SPMIP7: variants seen among roughly 807,000 people sequenced by gnomAD.
The protein encoded by SPMIP7 is sperm microtubule inner protein 7.
At chr7:50,132,345 C>T in the SPMIP7 span, among the ~76,000 whole-genome samples, 2 of 152,002 alleles carry the variant, frequency 1.3e-5, no homozygotes, top group Non-Finnish European at 2.9e-5. Flanking sequence ...GGTTTATTTC[C>T]CATTGTATTC....
the SPMIP7 span, among the ~76,000 whole-genome samples, chr7:50,123,391 G>A: frequency 7.6e-6 from 1 of 132,076 alleles, no homozygotes; most frequent in Middle Eastern, 3.8e-3. Context: ...CACAGGAAGG[G>A]GTACATCACA....
the SPMIP7 span, among the ~76,000 whole-genome samples, chr7:50,130,771 A>T: frequency 4.6e-5 from 7 of 152,108 alleles, no homozygotes; most frequent in African/African-American, 1.7e-4. Context: ...TTGAGAGAGC[A>T]GCCATGCAGA....
chr7:50,106,815 G>A, the SPMIP7 span, among the ~76,000 whole-genome samples: 1 of 152,158 alleles, frequency 6.6e-6, no homozygotes, highest in African/African-American at 2.4e-5. Flanking sequence ...TAGAAGACTG[G>A]GGAAGGGGCC....
At chr7:50,131,240 C>T in the SPMIP7 span, among the ~76,000 whole-genome samples, 10 of 152,090 alleles carry the variant, frequency 6.6e-5, no homozygotes, top group African/African-American at 2.4e-4. Context: ...AGAGCCAACA[C>T]AATTTTCTGA....
the SPMIP7 span, chr7:50,134,338 TAAC>T: frequency 3.6e-6 from 4 of 1,101,028 alleles, no homozygotes; most frequent in South Asian, 5.4e-5. Context: ...ATTTTATTGT[TAAC>T]AATACCTAAG....
At chr7:50,148,070 C>T in the SPMIP7 span, among the ~76,000 whole-genome samples, 1 of 152,154 alleles carries the variant, frequency 6.6e-6, no homozygotes, top group South Asian at 2.1e-4. Context: ...CTAAAGTGTT[C>T]CCCAGAGAGT....
chr7:50,144,865 C>T, the SPMIP7 span, among the ~76,000 whole-genome samples: 1 of 151,944 alleles, frequency 6.6e-6, no homozygotes, highest in Non-Finnish European at 1.5e-5. Flanking sequence ...GAACTGTTGA[C>T]CGGATCTGGG....
chr7:50,122,318 G>T, the SPMIP7 span, among the ~76,000 whole-genome samples: 1 of 151,326 alleles, frequency 6.6e-6, no homozygotes, highest in Non-Finnish European at 1.5e-5. Flanking sequence ...AATGGGGAAA[G>T]GATTCCCTAT....
the SPMIP7 span, among the ~76,000 whole-genome samples, chr7:50,155,013 T>C: frequency 2.1e-3 from 313 of 152,350 alleles, 2 homozygotes; most frequent in African/African-American, 7.2e-3. Context: ...TTCAGGTCCT[T>C]TGCCCATTTT....
At chr7:50,112,185 A>C in the SPMIP7 span, among the ~76,000 whole-genome samples, 1 of 152,214 alleles carries the variant, frequency 6.6e-6, no homozygotes, top group Admixed American at 6.6e-5. Context: ...AAAATATTCA[A>C]GAGAATGAAC....
At chr7:50,147,351 T>C in the SPMIP7 span, among the ~76,000 whole-genome samples, 371 of 152,318 alleles carry the variant, frequency 2.4e-3, no homozygotes, top group Non-Finnish European at 2.6e-3. Flanking sequence ...TGAGGTCCAG[T>C]TCTACCACTT....
At chr7:50,107,014 A>T in the SPMIP7 span, among the ~76,000 whole-genome samples, 1 of 152,182 alleles carries the variant, frequency 6.6e-6, no homozygotes, top group Non-Finnish European at 1.5e-5. Context: ...AGGTGGGCGG[A>T]TCACCTGAGG....
chr7:50,141,417 G>T, the SPMIP7 span: 1 of 1,309,534 alleles, frequency 7.6e-7, no homozygotes, highest in Non-Finnish European at 1.1e-6. Context: ...TATTTCACTT[G>T]TTTTATTACT....
chr7:50,127,745 C>T, the SPMIP7 span, among the ~76,000 whole-genome samples: 2 of 151,318 alleles, frequency 1.3e-5, no homozygotes, highest in Non-Finnish European at 3.0e-5. Context: ...GAGAAATGCA[C>T]ATCAAAACCA....
chr7:50,125,115 T>TATATATATATATATACACACAC, the SPMIP7 span, among the ~76,000 whole-genome samples: 3 of 25,418 alleles, frequency 1.2e-4, no homozygotes, highest in African/African-American at 6.2e-4. Flanking sequence ...TATATATATA[T>TATATATATATATATACACACAC]ACACACACAC....
At chr7:50,116,031 C>T in the SPMIP7 span, among the ~76,000 whole-genome samples, 1 of 152,132 alleles carries the variant, frequency 6.6e-6, no homozygotes, top group Non-Finnish European at 1.5e-5. Flanking sequence ...TTGGAGGTGA[C>T]TAAACAACCC....
At chr7:50,123,598 T>TAAATAAAA in the SPMIP7 span, among the ~76,000 whole-genome samples, 3 of 144,794 alleles carry the variant, frequency 2.1e-5, no homozygotes, top group African/African-American at 7.7e-5. Flanking sequence ...AATAAATAAA[T>TAAATAAAA]AAAAAGCTTG....
the SPMIP7 span, among the ~76,000 whole-genome samples, chr7:50,145,415 C>CT: frequency 6.6e-6 from 1 of 150,638 alleles, no homozygotes; most frequent in East Asian, 1.9e-4. Flanking sequence ...AATTTCAGTG[C>CT]TTTGCAGTCA....
the SPMIP7 span, among the ~76,000 whole-genome samples, chr7:50,132,921 T>G: frequency 1.3e-5 from 2 of 152,168 alleles, no homozygotes; most frequent in African/African-American, 4.8e-5. Context: ...TATAGTTATC[T>G]CTGAACAAAT....
Sources: gnomAD v4.1 joint callset for allele counts (sites outside exome capture counted in the v4.1 genomes callset) on GRCh38, gnomAD v4.1.1 for gene constraint, MANE v1.5 for transcripts, NCBI Gene and HGNC (gene_info 2026-07-23, HGNC 2026-07-21) for gene names.